Variants in C4orf51 observed in about 807,000 individuals in gnomAD.
C4orf51 encodes the protein chromosome 4 open reading frame 51.
In C4orf51, 25 loss-of-function variants were observed where a neutral mutation model predicts 25.2. The ratio of observed to expected loss-of-function variants is 0.99; its 90% CI spans 0.72 to 1.39. The LOEUF is 1.39. C4orf51 is among the 40% of genes most tolerant of loss of function. The probability of loss-of-function intolerance (pLI) is 0.00; values close to 1 mark genes in which losing one functional copy is unlikely to be tolerated. For synonymous variants in C4orf51, 100 were observed against 84.5 expected (o/e 1.18, Z -1.01); for missense variants, 252 against 239.6 (o/e 1.05, Z -0.34).
At chr4:145,749,574 T>A (rs375173812) in intron 1 of C4orf51, among the ~76,000 whole-genome samples, 33 of 151,604 alleles carry the variant, frequency 2.2e-4, no homozygotes, top group African/African-American at 7.6e-4. Context: ...TGTGTATCTG[T>A]TATATGTTTT....
Position 145,732,541 on chromosome 4 carries a change from C to G in C4orf51, c.590C>G (p.Pro197Arg). 2 of 1,608,520 alleles carry G rather than the reference C, an allele frequency of 1.2e-6. No individual in the cohort carries two copies. Among genetic ancestry groups the G allele is most frequent in the Non-Finnish European group, 1.7e-6 (2 of 1,177,842 alleles). ...DRYSDYGWGG[P>R]SSPFN ...TACTCCGATTATGGCTGGGGAGGAC[C>G]CTCATCGCCATTTAACTGAGTTGGA... Residue 197 changes from proline (P) to arginine (R), a missense_variant, in exon 6 of 6, where the codon CCC (proline) becomes CGC (arginine). Coordinates refer to ENST00000438731, the MANE Select transcript of C4orf51 (RefSeq NM_001080531.3).
Position 145,680,253 on chromosome 4 carries a change from C to T in C4orf51, c.50C>T (p.Pro17Leu), listed in dbSNP as rs199511104. The change falls in exon 1 of 6, where the codon CCT (proline) becomes CTT (leucine). Residue 17 changes from proline (P) to leucine (L), a missense_variant. Transcript: ENST00000438731. ...LTPQILLPFS[P>L]LTSQEFDLIR... ...CCACAAATTCTTCTGCCCTTTAGCC[C>T]TCTTACTTCTCAAGAGTTTGATCTG... 83 of 1,613,922 alleles carry T rather than the reference C, an allele frequency of 5.1e-5. No homozygotes were observed. In the African/African-American group the frequency reaches 1.1e-3, roughly 20 times the overall value.
chr4:145,790,642 T>TG, the C4orf51 span, among the ~76,000 whole-genome samples: 1 of 152,194 alleles, frequency 6.6e-6, no homozygotes, highest in Admixed American at 6.5e-5. Flanking sequence ...GTATCCTCAA[T>TG]TATTCTAGTC....
chr4:145,696,595 C>G lies in C4orf51; in HGVS notation c.270C>G (p.Leu90=), dbSNP rs1210992570. The G allele has an allele frequency of 6.2e-7, 1 of 1,613,864 alleles. No homozygotes were observed. The highest frequency in any genetic ancestry group is 1.3e-5 in the African/African-American group (1 of 75,058). Residue 90 remains leucine (L), a synonymous_variant, in exon 2 of 6, where the codon CTC becomes CTG. Coordinates refer to ENST00000438731, the MANE Select transcript of C4orf51 (RefSeq NM_001080531.3). The stretch of plus-strand genomic sequence containing the variant: ...CAAACAGTTCTGCCTGTCATCTTCT[C>G]TGCTGGGCTGGTACCCAAGAGACTA... ...SLTNSSACHL[L]CWAGTQETTD... is the part of the protein sequence containing the mutation.
intron 3 of C4orf51, 66 bp from the exon 4 acceptor site, chr4:145,729,103 G>T (rs1220554257): frequency 1.8e-6 from 2 of 1,137,214 alleles, no homozygotes; most frequent in African/African-American, 1.5e-5. Flanking sequence ...TTGGGAAAAT[G>T]AATTTTATTA....
chr4:145,689,896 A>G (rs1729422931), intron 1 of C4orf51, among the ~76,000 whole-genome samples: 1 of 152,238 alleles, frequency 6.6e-6, no homozygotes, highest in Admixed American at 6.5e-5. Flanking sequence ...TAAATGTAAG[A>G]CTTCAAACTA....
At chr4:145,730,336 G>C (rs2126772455) in intron 5 of C4orf51, among the ~76,000 whole-genome samples, 1 of 152,228 alleles carries the variant, frequency 6.6e-6, no homozygotes, top group Middle Eastern at 3.4e-3. Context: ...ATCCACCCTG[G>C]TTGCCCGGTG....
In C4orf51 at chr4:145,765,387, A is replaced by G. The variant is rs139928609; in HGVS notation, n.167-5601A>G. Among the ~76,000 whole-genome samples, 12 of 152,316 alleles carry G rather than the reference A, an allele frequency of 7.9e-5. No individual in the cohort carries two copies. Among genetic ancestry groups the G allele is most frequent in the African/African-American group, 2.9e-4 (12 of 41,566 alleles). ...TCCTTCCACCCCATACTCGGATTCA[A>G]ATTAAGCCAAAAGAAATACAACCTT... is the stretch of plus-strand genomic sequence containing the variant. On this transcript the variant is annotated intron_variant and non_coding_transcript_variant, in intron 1 of 1. Coordinates refer to the C4orf51 transcript ENST00000510096. This position sits in a 1 kb window ranked among gnomAD's most constrained non-coding sequence, Gnocchi z 4.7.
At chr4:145,790,238 ATTGT>A in the C4orf51 span, among the ~76,000 whole-genome samples, 1 of 152,134 alleles carries the variant, frequency 6.6e-6, no homozygotes, top group African/African-American at 2.4e-5. Flanking sequence ...AAACATTATC[ATTGT>A]TTGGGCAGAT....
intron 4 of C4orf51, 52 bp from the exon 5 acceptor site, chr4:145,729,840 G>A (rs368114941): frequency 6.6e-5 from 98 of 1,480,754 alleles, no homozygotes; most frequent in Middle Eastern, 3.4e-4. Flanking sequence ...TTCACTTATG[G>A]TAGACTCTCT....
rs762685378 is a variant in C4orf51, at chr4:145,765,560, T to C, written n.167-5428T>C. On this transcript the variant is annotated intron_variant and non_coding_transcript_variant, in intron 1 of 1. Transcript: ENST00000510096. The surrounding 1 kb of genome is among the most constrained non-coding windows in gnomAD (Gnocchi z 4.7). ...CCTCCTCCTTACCTTTCTCTGGCTT[T>C]TCCTCACTGTTCAGTGAGGGCTGGC... 3 of 1,612,900 alleles carry C rather than the reference T, an allele frequency of 1.9e-6. No homozygotes were observed. Among genetic ancestry groups the C allele is most frequent in the East Asian group, 2.2e-5 (1 of 44,864 alleles).
rs1729497476 is a variant in C4orf51, at chr4:145,690,708, G to T, written c.234-5851G>T. Among the ~76,000 whole-genome samples the T allele has an allele frequency of 3.9e-5, 6 of 152,086 alleles. No homozygotes were observed. The South Asian group carries it at 1.2e-3, about 31-fold the overall frequency. ...AGAGTAAAGAGACAACCCACAGAAT[G>T]AGAGAAAATATTTTTAATCTATGCA... On this transcript the variant is annotated intron_variant, in intron 1 of 5. Transcript: ENST00000438731.
downstream of C4orf51, among the ~76,000 whole-genome samples, chr4:145,772,935 C>T (rs182800372): frequency 1.2e-4 from 19 of 152,262 alleles, no homozygotes; most frequent in Non-Finnish European, 2.2e-4. Flanking sequence ...TTTCCACTCA[C>T]GACAATTAAA....
intron 2 of C4orf51, among the ~76,000 whole-genome samples, chr4:145,726,312 G>C (rs1053807159): frequency 3.3e-5 from 5 of 152,158 alleles, no homozygotes; most frequent in African/African-American, 9.7e-5. Context: ...ATTTATTTGT[G>C]TTGGGAACAT....
intron 1 of C4orf51, among the ~76,000 whole-genome samples, chr4:145,747,766 C>G (rs1045665106): frequency 1.1e-4 from 16 of 141,128 alleles, no homozygotes; most frequent in Admixed American, 3.0e-4. Context: ...CTTCCTTCCT[C>G]TCTCTTTTCC....
At chr4:145,751,680 C>T (rs190838753) in intron 1 of C4orf51, among the ~76,000 whole-genome samples, 82 of 152,308 alleles carry the variant, frequency 5.4e-4, no homozygotes, top group African/African-American at 1.7e-3. Context: ...TAGGGCTGTA[C>T]GATCATCAAG....
chr4:145,721,660 C>T (rs529977316), intron 2 of C4orf51, among the ~76,000 whole-genome samples: 3 of 152,322 alleles, frequency 2.0e-5, no homozygotes, highest in South Asian at 2.1e-4. Context: ...AGAGACTGGG[C>T]ACAAGGGAAC....
At chr4:145,715,339 C>T in intron 2 of C4orf51, among the ~76,000 whole-genome samples, 1 of 152,156 alleles carries the variant, frequency 6.6e-6, no homozygotes, top group East Asian at 1.9e-4. Flanking sequence ...CTCTGATAAT[C>T]ACCTCAGTAT....
intron 2 of C4orf51, among the ~76,000 whole-genome samples, chr4:145,701,454 AC>A (rs1226276366): frequency 1.3e-5 from 2 of 151,706 alleles, no homozygotes; most frequent in Non-Finnish European, 2.9e-5. Context: ...CTGTGCGGGG[AC>A]CCCACTGGAA....
Sources: allele counts gnomAD v4.1 joint callset (sites outside exome capture counted in the v4.1 genomes callset), GRCh38; gene constraint gnomAD v4.1.1; non-coding constraint Gnocchi (gnomAD v3.1); transcripts MANE v1.5; gene names NCBI Gene and HGNC (gene_info 2026-07-23, HGNC 2026-07-21).